The following ZDHHC14 variants were observed in gnomAD, a reference collection of about 807,000 sequenced individuals.
ZDHHC14 encodes palmitoyltransferase ZDHHC14.
ZDHHC14 carries 16 observed loss-of-function variants against 47.7 expected under a neutral mutation model. That is an observed-to-expected ratio of 0.34 (90% confidence interval 0.23 to 0.51). The LOEUF (loss-of-function observed/expected upper bound fraction) is 0.51. Among genes scored for constraint, ZDHHC14 ranks in the 20% least tolerant of loss-of-function variants. The pLI is 0.97. For missense variants in ZDHHC14, 515 were observed against 662.5 expected (o/e 0.78, Z 2.44); for synonymous variants, 293 against 278.9 (o/e 1.05, Z -0.50).
chr6:157,485,250 G>GTGCCCTGTAC (rs1779749736), intron 1 of ZDHHC14, among the ~76,000 whole-genome samples: 1 of 152,192 alleles, frequency 6.6e-6, no homozygotes, highest in Non-Finnish European at 1.5e-5. Flanking sequence ...GGTGCCTGTG[G>GTGCCCTGTAC]TGCCCTGTAC....
chr6:157,515,030 T>C lies in ZDHHC14; in HGVS notation c.246-27555T>C, dbSNP rs1780631326. On this transcript the variant is annotated intron_variant, in intron 1 of 8. Transcript: ENST00000359775. ...ATGCTATGTATTTAGTGAGAACATT[T>C]TGTAAAGGCCAGAATATTCCTTTCC... 2.0e-5 allele frequency among the ~76,000 whole-genome samples: 3 copies of C among 152,218 alleles called. No homozygotes were observed. In the South Asian group the frequency reaches 6.2e-4, roughly 31 times the overall value.
intron 2 of ZDHHC14, among the ~76,000 whole-genome samples, chr6:157,585,784 C>T (rs767269661): frequency 2.0e-5 from 3 of 152,214 alleles, no homozygotes; most frequent in Non-Finnish European, 2.9e-5. Flanking sequence ...CCTGGCCATG[C>T]GAGGTTGGCT....
At position 157,625,171 on chromosome 6, in the gene ZDHHC14, G is replaced by A. The variant is rs1273811598; in HGVS notation, c.566-3178G>A. Among the ~76,000 whole-genome samples, 4 of 152,112 alleles carry A rather than the reference G, an allele frequency of 2.6e-5. No homozygotes were observed. The East Asian group carries it at 7.7e-4, about 29-fold the overall frequency. ...AAGTTTCCAACACACGAACTTCGGG[G>A]GACACATTCAGACCATAGCAGATGA... On this transcript the variant is annotated intron_variant, in intron 3 of 8. Transcript: ENST00000359775.
intron 1 of ZDHHC14, among the ~76,000 whole-genome samples, chr6:157,527,376 T>C (rs967529183): frequency 6.6e-6 from 1 of 152,220 alleles, no homozygotes; most frequent in Non-Finnish European, 1.5e-5. Context: ...TCAACTGACC[T>C]GTTTTCCTAT....
At chr6:157,619,843 C>T (rs1196568505) in intron 3 of ZDHHC14, among the ~76,000 whole-genome samples, 11 of 152,112 alleles carry the variant, frequency 7.2e-5, no homozygotes, top group Admixed American at 3.9e-4. Flanking sequence ...TAGATTTTCC[C>T]GCTCAAAGGC....
chr6:157,613,349 T>C (rs1309353087), intron 3 of ZDHHC14, among the ~76,000 whole-genome samples: 1 of 152,186 alleles, frequency 6.6e-6, no homozygotes, highest in Non-Finnish European at 1.5e-5. Flanking sequence ...TACTTTCTAT[T>C]TTATTGTTTG....
chr6:157,547,196 G>A (rs1336390736), intron 2 of ZDHHC14, among the ~76,000 whole-genome samples: 1 of 152,252 alleles, frequency 6.6e-6, no homozygotes, highest in African/African-American at 2.4e-5. Flanking sequence ...GCACGTGTGT[G>A]TGTGTTCCTT....
chr6:157,388,755 T>C (rs1777366054), intron 1 of ZDHHC14, among the ~76,000 whole-genome samples: 1 of 152,214 alleles, frequency 6.6e-6, no homozygotes, highest in Non-Finnish European at 1.5e-5. Context: ...ATACAGAAGA[T>C]GATATGTAAC....
chr6:157,532,348 T>A (rs752918187), intron 1 of ZDHHC14, among the ~76,000 whole-genome samples: 2 of 152,278 alleles, frequency 1.3e-5, no homozygotes, highest in Non-Finnish European at 2.9e-5. Flanking sequence ...ACTGATGAGC[T>A]ATCCAGCGTT....
intron 1 of ZDHHC14, among the ~76,000 whole-genome samples, chr6:157,406,512 A>G (rs1445671103): frequency 3.9e-5 from 6 of 152,260 alleles, no homozygotes; most frequent in African/African-American, 1.2e-4. Context: ...TTCAGAAGAA[A>G]TATCTGGTTA....
At chr6:157,548,627 G>T (rs978577277) in intron 2 of ZDHHC14, among the ~76,000 whole-genome samples, 1 of 152,122 alleles carries the variant, frequency 6.6e-6, no homozygotes, top group African/African-American at 2.4e-5. Context: ...TGTATTTTTA[G>T]TAAAGATGGG....
chr6:157,661,908 C>G (rs533197036), intron 8 of ZDHHC14, among the ~76,000 whole-genome samples: 1 of 151,950 alleles, frequency 6.6e-6, no homozygotes, highest in East Asian at 2.0e-4. Context: ...ACTGCCACAT[C>G]TGCCTCCTGG....
At chr6:157,451,709 C>T (rs969283904) in intron 1 of ZDHHC14, among the ~76,000 whole-genome samples, 1 of 152,080 alleles carries the variant, frequency 6.6e-6, no homozygotes, top group African/African-American at 2.4e-5. Context: ...TACAGGTGCC[C>T]ACCACCACAC....
intron 4 of ZDHHC14, chr6:157,632,416 G>A (rs1172992929): frequency 1.1e-5 from 2 of 177,526 alleles, no homozygotes; most frequent in African/African-American, 4.7e-5. Flanking sequence ...TACTCTGGGT[G>A]TAGAAAAAGA....
chr6:157,542,311 C>A (rs113483735), intron 1 of ZDHHC14, among the ~76,000 whole-genome samples: 2 of 152,176 alleles, frequency 1.3e-5, no homozygotes, highest in Admixed American at 1.3e-4. Context: ...ATTATACAAG[C>A]AGGACTATTT....
chr6:157,421,276 G>C (rs898066045), intron 1 of ZDHHC14, among the ~76,000 whole-genome samples: 1 of 151,760 alleles, frequency 6.6e-6, no homozygotes, highest in Non-Finnish European at 1.5e-5. Context: ...GAGGCAGGTG[G>C]ATCACGAGGT....
chr6:157,576,921 G>T (rs1458886473), intron 2 of ZDHHC14, among the ~76,000 whole-genome samples: 2 of 152,106 alleles, frequency 1.3e-5, no homozygotes, highest in Non-Finnish European at 2.9e-5. Context: ...TTCTTATACA[G>T]GTAAACCGCG....
At chr6:157,389,114 GTAC>G (rs1383891393) in intron 1 of ZDHHC14, among the ~76,000 whole-genome samples, 2 of 151,444 alleles carry the variant, frequency 1.3e-5, no homozygotes, top group African/African-American at 2.5e-5. Context: ...TCATAGCATA[GTAC>G]TTAAAGCAGT....
intron 3 of ZDHHC14, among the ~76,000 whole-genome samples, chr6:157,601,570 A>G (rs1358646555): frequency 2.0e-5 from 3 of 152,186 alleles, no homozygotes; most frequent in African/African-American, 4.8e-5. Context: ...ACTCTCCACA[A>G]ATTTATTTAA....
Sources: gnomAD v4.1 joint callset for allele counts (sites outside exome capture counted in the v4.1 genomes callset) on GRCh38, gnomAD v4.1.1 for gene constraint, MANE v1.5 for transcripts, NCBI Gene and HGNC (gene_info 2026-07-23, HGNC 2026-07-21) for gene names.